The following NLGN1 variants were observed in gnomAD, a reference collection of about 807,000 sequenced individuals.
The protein encoded by NLGN1 is neuroligin 1, also known as neuroligin-1.
Under a neutral mutation model 65.5 loss-of-function variants are expected in NLGN1, and 12 were observed. The ratio of observed to expected loss-of-function variants is 0.18; its 90% CI spans 0.12 to 0.30. The LOEUF is 0.30. Ranked by LOEUF, NLGN1 falls within the 10% of genes least tolerant of loss-of-function variation. The probability of loss-of-function intolerance (pLI) is 1.00; values close to 1 mark genes in which losing one functional copy is unlikely to be tolerated. For missense variants in NLGN1, 750 were observed against 1,007.1 expected, an observed-to-expected ratio of 0.74 and a Z score of 3.46; for synonymous variants, 350 against 359.5, an observed-to-expected ratio of 0.97 and a Z score of 0.30.
chr3:174,221,581 A>T (rs74456371), intron 4 of NLGN1, among the ~76,000 whole-genome samples: 1 of 149,310 alleles, frequency 6.7e-6, no homozygotes, highest in African/African-American at 2.4e-5. Context: ...TAGATAAGTT[A>T]TACTTAAATA....
rs776189299 is a variant in NLGN1 at position 173,979,004 on chromosome 3, CA to C, written c.646+171184del. 2.3e-3 allele frequency among the ~76,000 whole-genome samples: 329 copies of C among 140,034 alleles called. 1 individual carries two copies. The highest frequency in any genetic ancestry group is 6.1e-3 in the African/African-American group (234 of 38,058). 91.9% of individuals were successfully genotyped at this position (140,034 alleles called of 152,430 possible). On this transcript the variant is annotated intron_variant, in intron 4 of 6. Transcript: ENST00000457714. ...TGGATGACAGAGTAAGATTCTGTCT[CA>C]AAAAAAAAAAATTGAATCAAGAATG...
chr3:173,734,776 T>A (rs1207539421), intron 3 of NLGN1, among the ~76,000 whole-genome samples: 2 of 152,172 alleles, frequency 1.3e-5, no homozygotes, highest in African/African-American at 4.8e-5. Context: ...TTTCTTCTAT[T>A]TTTCCTCAGT....
intron 1 of NLGN1, among the ~76,000 whole-genome samples, chr3:173,414,144 C>T (rs576507049): frequency 3.3e-5 from 5 of 151,974 alleles, no homozygotes; most frequent in Admixed American, 6.6e-5. Flanking sequence ...TGTCTGGTAC[C>T]GAAAAAGATC....
intron 3 of NLGN1, among the ~76,000 whole-genome samples, chr3:173,666,200 A>G (rs1362247439): frequency 1.3e-5 from 2 of 152,082 alleles, no homozygotes; most frequent in Admixed American, 6.6e-5. Flanking sequence ...AAATATATAT[A>G]TATATAATTT....
intron 4 of NLGN1, among the ~76,000 whole-genome samples, chr3:174,157,752 A>G (rs1017374782): frequency 2.6e-5 from 4 of 151,796 alleles, no homozygotes; most frequent in Non-Finnish European, 5.9e-5. Flanking sequence ...TTTTCCAAGC[A>G]TGGGGAAGAA....
intron 3 of NLGN1, among the ~76,000 whole-genome samples, chr3:173,641,207 AAATT>A (rs1282517904): frequency 1.3e-5 from 2 of 152,194 alleles, no homozygotes; most frequent in Non-Finnish European, 2.9e-5. Context: ...TTGTTATAGT[AAATT>A]AATTCATTAT....
At position 174,279,724 on chromosome 3, in the gene NLGN1, T is replaced by A. The variant is rs1751238853; in HGVS notation, c.1649+74T>A. 1.1e-6 allele frequency: 1 copy of A among 872,516 alleles called. No individual in the cohort carries two copies. Among genetic ancestry groups the A allele is most frequent in the African/African-American group, 1.7e-5 (1 of 58,366 alleles). 54.0% of individuals were successfully genotyped at this position (872,516 alleles called of 1,614,324 possible). ...ACCATTTTAAAATAATAGATATTTA[T>A]GCCCAGATAATGTCATATTGGATTA... On this transcript the variant is annotated intron_variant, in intron 6 of 6. Transcript: ENST00000457714. This position sits in a 1 kb window ranked among gnomAD's most constrained non-coding sequence, Gnocchi z 4.7.
intron 2 of NLGN1, among the ~76,000 whole-genome samples, chr3:173,441,914 C>A (rs1038990148): frequency 6.6e-6 from 1 of 152,138 alleles, no homozygotes; most frequent in Non-Finnish European, 1.5e-5. Flanking sequence ...ATCTGTTAAA[C>A]CACCAAGTCA....
chr3:173,427,996 T>G (rs1337983633), intron 1 of NLGN1, among the ~76,000 whole-genome samples: 1 of 151,860 alleles, frequency 6.6e-6, no homozygotes, highest in Non-Finnish European at 1.5e-5. Context: ...GATCCAGTGT[T>G]GGAGTACATA....
chr3:174,266,524 T>A (rs1577695809), intron 4 of NLGN1, among the ~76,000 whole-genome samples: 2 of 152,196 alleles, frequency 1.3e-5, no homozygotes, highest in Non-Finnish European at 2.9e-5. Context: ...AACATACATG[T>A]GTATGTGTCT....
chr3:173,528,939 A>G (rs1291997382), intron 2 of NLGN1, among the ~76,000 whole-genome samples: 1 of 151,772 alleles, frequency 6.6e-6, no homozygotes, highest in Non-Finnish European at 1.5e-5. Flanking sequence ...TAATTTCCGA[A>G]TTTTCATTTT....
At chr3:173,800,981 T>G (rs1476038088) in intron 3 of NLGN1, among the ~76,000 whole-genome samples, 1 of 151,998 alleles carries the variant, frequency 6.6e-6, no homozygotes, top group East Asian at 1.9e-4. Flanking sequence ...TACAACCATT[T>G]AAGTATTCTG....
At chr3:173,397,778 C>A (rs1188842885), upstream of NLGN1, 2 of 152,150 alleles carry the variant, frequency 1.3e-5, no homozygotes, top group African/African-American at 4.8e-5. Context: ...GGCGGCGGCG[C>A]GGAGAGCGCG....
At chr3:173,425,876 T>C (rs1214976939) in intron 1 of NLGN1, among the ~76,000 whole-genome samples, 2 of 152,158 alleles carry the variant, frequency 1.3e-5, no homozygotes, top group Non-Finnish European at 2.9e-5. Flanking sequence ...AAAAATATCA[T>C]TGTTATTTTG....
chr3:173,519,249 G>A (rs1734360756), intron 2 of NLGN1, among the ~76,000 whole-genome samples: 1 of 152,218 alleles, frequency 6.6e-6, no homozygotes, highest in South Asian at 2.1e-4. Flanking sequence ...GGGCCCTCAT[G>A]GAGAACCTCT....
chr3:173,851,658 C>T (rs1449391503), intron 4 of NLGN1, among the ~76,000 whole-genome samples: 1 of 151,908 alleles, frequency 6.6e-6, no homozygotes, highest in African/African-American at 2.4e-5. Context: ...TAATATTATC[C>T]CCTTGACCTT....
chr3:174,136,485 A>G (rs1200089923), intron 4 of NLGN1: 1 of 152,160 alleles, frequency 6.6e-6, no homozygotes, highest in Non-Finnish European at 1.5e-5. Context: ...TTGTTTTGAC[A>G]GTGAAAATTA....
At chr3:174,225,169 A>G (rs766789970) in intron 4 of NLGN1, among the ~76,000 whole-genome samples, 8 of 152,204 alleles carry the variant, frequency 5.3e-5, no homozygotes, top group Admixed American at 2.0e-4. Context: ...TCCCAATACC[A>G]AAGTTTTTAA....
Position 173,604,669 on chromosome 3 carries a change from G to A in NLGN1, c.71G>A (p.Gly24Glu). 6.2e-7 allele frequency: 1 copy of A among 1,613,720 alleles called. No homozygotes were observed. Among genetic ancestry groups the A allele is most frequent in the South Asian group, 1.1e-5 (1 of 91,084 alleles). The change falls in exon 3 of 7, where the codon GGA (glycine) becomes GAA (glutamate). Residue 24 changes from glycine (G) to glutamate (E), a missense_variant. By Grantham distance (98) the Gly-to-Glu change is moderately conservative. Transcript: ENST00000457714. ...GTGATGGCATGCTTGGTACACCGGG[G>A]ATTGGGTGCCCCATTGACTCTCTGT...
Sources: allele counts gnomAD v4.1 joint callset (sites outside exome capture counted in the v4.1 genomes callset), GRCh38; gene constraint gnomAD v4.1.1; non-coding constraint Gnocchi (gnomAD v3.1); transcripts MANE v1.5; gene names NCBI Gene and HGNC (gene_info 2026-07-23, HGNC 2026-07-21).